The following SLC25A19 variants were observed in gnomAD, a reference collection of about 807,000 sequenced individuals.
The protein encoded by SLC25A19 is mitochondrial thiamine pyrophosphate carrier.
In SLC25A19, 18 loss-of-function variants were observed where a neutral mutation model predicts 27.9. The observed-to-expected ratio is 0.64, with a 90% CI of 0.45 to 0.96. The LOEUF (loss-of-function observed/expected upper bound fraction) is 0.96. Among genes scored for constraint, SLC25A19 ranks in the 40% least tolerant of loss-of-function variants. SLC25A19 has a pLI of 0.00. For synonymous variants in SLC25A19, 169 were observed against 167.1 expected (o/e 1.01, Z -0.09); for missense variants, 371 against 418.3 (o/e 0.89, Z 0.99).
chr17:75,273,447 G>A lies in SLC25A19; in HGVS notation c.*4C>T, dbSNP rs780556634. ...CCAGGGAAGACCTGGGGTCCTTCCT[G>A]CACTCAGCGCTGGCTGGCTGTCCTG... On this transcript the variant is annotated 3_prime_UTR_variant, in exon 8 of 8. Coordinates refer to ENST00000416858, the MANE Select transcript of SLC25A19 (RefSeq NM_001126121.2). 6.1e-5 allele frequency: 99 copies of A among 1,613,390 alleles called. No individual in the cohort carries two copies. The highest frequency in any genetic ancestry group is 8.1e-5 in the Non-Finnish European group (95 of 1,179,878).
rs1224257135 is a variant in SLC25A19 at position 75,283,435 on chromosome 17, C to T, written c.447G>A (p.Gln149=). 3 of 1,611,854 alleles carry T rather than the reference C, an allele frequency of 1.9e-6. No individual in the cohort carries two copies. In the African/African-American group the frequency reaches 4.0e-5, roughly 22 times the overall value. Residue 149 remains glutamine, a synonymous_variant, in exon 5 of 8, where the codon CAG becomes CAA. Transcript: ENST00000416858. ...VDVLRTRFAA[Q]GEPKVYNTLR... ...CCTGGCCACTCACCTTGGGCTCACC[C>T]TGAGCTGCAAAGCGGGTGCGCAGAA...
In SLC25A19 at chr17:75,286,474, A is replaced by T; in HGVS notation, c.133-15T>A. 1 of 1,613,828 alleles carries T rather than the reference A, an allele frequency of 6.2e-7. No individual in the cohort carries two copies. Among genetic ancestry groups the T allele is most frequent in the Non-Finnish European group, 8.5e-7 (1 of 1,179,814 alleles). ...TCATGCTGAAGCTAGGAATCAAAATAAAAAAGGTCAGGACAGTGGGGTGGG... is the reference window on the plus strand; with the variant it reads ...TCATGCTGAAGCTAGGAATCAAAATTAAAAAGGTCAGGACAGTGGGGTGGG... On this transcript the variant is annotated splice_polypyrimidine_tract_variant and intron_variant, in intron 3 of 7. Transcript: ENST00000416858.
intron 4 of SLC25A19, among the ~76,000 whole-genome samples, chr17:75,284,641 T>A (rs1002808804): frequency 2.7e-5 from 4 of 147,476 alleles, no homozygotes; most frequent in South Asian, 2.1e-4. Context: ...TTCTTTTTTT[T>A]TTTTTTTTTT....
At chr17:75,276,176 G>A (rs770926890) in intron 7 of SLC25A19, among the ~76,000 whole-genome samples, 23 of 151,774 alleles carry the variant, frequency 1.5e-4, no homozygotes, top group Non-Finnish European at 1.8e-4. Context: ...TTGGGAGGCT[G>A]AGGCAGGAGA....
intron 7 of SLC25A19, among the ~76,000 whole-genome samples, chr17:75,276,929 C>T (rs1221257020): frequency 2.0e-5 from 3 of 150,530 alleles, no homozygotes; most frequent in African/African-American, 4.9e-5. Flanking sequence ...GTGATCCACC[C>T]ACCTTGGCCT....
intron 5 of SLC25A19, among the ~76,000 whole-genome samples, chr17:75,282,185 C>A (rs1166201080): frequency 6.6e-6 from 1 of 151,988 alleles, no homozygotes; most frequent in African/African-American, 2.4e-5. Context: ...CCCAGGAGGT[C>A]GAGGCTTCAG....
chr17:75,279,882 C>T (rs2077995280), intron 5 of SLC25A19, among the ~76,000 whole-genome samples: 1 of 152,126 alleles, frequency 6.6e-6, no homozygotes, highest in African/African-American at 2.4e-5. Context: ...AATCATGGCT[C>T]ACTCTCCAGG....
intron 7 of SLC25A19, among the ~76,000 whole-genome samples, chr17:75,275,826 T>C (rs867293924): frequency 6.7e-6 from 1 of 149,798 alleles, no homozygotes; most frequent in African/African-American, 2.5e-5. Context: ...AATACAAAAA[T>C]TAGGACATGG....
chr17:75,275,913 G>A (rs577518245), intron 7 of SLC25A19, among the ~76,000 whole-genome samples: 91 of 152,214 alleles, frequency 6.0e-4, no homozygotes, highest in Admixed American at 2.6e-3. Flanking sequence ...GCAGGCTGCA[G>A]TGAGCCAAGA....
rs2077777826 is a variant in SLC25A19, at chr17:75,273,435, G to A, written c.*16C>T. 1 of 1,611,536 alleles carries A rather than the reference G, an allele frequency of 6.2e-7. No homozygotes were observed. Among genetic ancestry groups the A allele is most frequent in the Non-Finnish European group, 8.5e-7 (1 of 1,178,786 alleles). On this transcript the variant is annotated 3_prime_UTR_variant, in exon 8 of 8. Transcript: ENST00000416858. ...AGGAGGCTGCCTCCAGGGAAGACCT[G>A]GGGTCCTTCCTGCACTCAGCGCTGG...
chr17:75,283,922 G>A (rs1022862394), intron 4 of SLC25A19, among the ~76,000 whole-genome samples: 5 of 151,474 alleles, frequency 3.3e-5, no homozygotes, highest in Admixed American at 6.6e-5. Context: ...GAGACCAGCC[G>A]GGTCAACATA....
At chr17:75,282,167 C>T (rs920034127) in intron 5 of SLC25A19, among the ~76,000 whole-genome samples, 1 of 152,150 alleles carries the variant, frequency 6.6e-6, no homozygotes. Flanking sequence ...GCAGAAGGAT[C>T]ACTTGATCCC....
intron 5 of SLC25A19, among the ~76,000 whole-genome samples, chr17:75,281,399 A>G (rs1201492191): frequency 6.6e-6 from 1 of 152,134 alleles, no homozygotes; most frequent in African/African-American, 2.4e-5. Context: ...TGTGGAAACC[A>G]AAGACACTCG....
chr17:75,289,433 T>C lies in SLC25A19; in HGVS notation c.-208A>G, dbSNP rs1467209437. ...CGCAGTCTTAACAGCAAAACTCTAC[T>C]GAGCTCGGACGAAACTGGCGGGCTC... On this transcript the variant is annotated 5_prime_UTR_variant, in exon 1 of 8. Transcript: ENST00000416858. 2 of 152,370 alleles carry C rather than the reference T, an allele frequency of 1.3e-5. No homozygotes were observed. The highest frequency in any genetic ancestry group is 6.5e-5 in the Admixed American group (1 of 15,300). 9.4% of individuals were successfully genotyped at this position (152,370 alleles called of 1,614,324 possible).
At chr17:75,273,782 G>C (rs567188610) in intron 7 of SLC25A19, 143 bp from the exon 8 acceptor site, 1 of 695,672 alleles carries the variant, frequency 1.4e-6, no homozygotes, top group African/African-American at 1.8e-5. Context: ...TTTCGTTGAG[G>C]CAGAGTCTCA....
chr17:75,278,594 C>T (rs1041877779), intron 5 of SLC25A19, among the ~76,000 whole-genome samples: 1 of 152,120 alleles, frequency 6.6e-6, no homozygotes, highest in Admixed American at 6.6e-5. Context: ...CTGCAGCGTC[C>T]TGGGGAAGAG....
At chr17:75,286,507 G>T (rs773519509) in intron 3 of SLC25A19, 48 bp from the exon 4 acceptor site, 2 of 1,613,204 alleles carry the variant, frequency 1.2e-6, no homozygotes, top group Non-Finnish European at 1.7e-6. Flanking sequence ...GGGCTGGAAT[G>T]TGAAGGGGAA....
At chr17:75,287,013 C>T (rs1281022207) in intron 2 of SLC25A19, 4 of 481,178 alleles carry the variant, frequency 8.3e-6, no homozygotes, top group South Asian at 2.1e-5. Flanking sequence ...CCAGCCTGGG[C>T]AACACTGCAA....
At chr17:75,288,740 G>A (rs764084622) in intron 1 of SLC25A19, 149 bp from the exon 2 acceptor site, 1 of 141,884 alleles carries the variant, frequency 7.0e-6, no homozygotes, top group African/African-American at 2.5e-5. Flanking sequence ...TGGGGGTGGG[G>A]GAGGAGGGGA....
Sources: gnomAD v4.1 joint callset for allele counts (sites outside exome capture counted in the v4.1 genomes callset) on GRCh38, gnomAD v4.1.1 for gene constraint, MANE v1.5 for transcripts, NCBI Gene and HGNC (gene_info 2026-07-23, HGNC 2026-07-21) for gene names.